The following SGCD variants were observed in gnomAD, a reference collection of about 807,000 sequenced individuals.
The protein encoded by SGCD is sarcoglycan delta, also known as delta-sarcoglycan.
Under a neutral mutation model 36.6 loss-of-function variants are expected in SGCD, and 18 were observed. That is an observed-to-expected ratio of 0.49 (90% CI 0.34 to 0.73). The LOEUF is 0.73. SGCD is among the 30% of genes least tolerant of loss of function. The pLI is 0.01. For synonymous variants in SGCD, 133 were observed against 130.6 expected (o/e 1.02, Z -0.12); for missense variants, 387 against 346.7 (o/e 1.12, Z -0.92).
At chr5:155,826,475 T>C in the SGCD span, among the ~76,000 whole-genome samples, 2 of 152,232 alleles carry the variant, frequency 1.3e-5, no homozygotes, top group South Asian at 4.1e-4. Context: ...TCTCTCACTC[T>C]TCCCACTGTG....
chr5:155,939,742 C>T lies in SGCD; in HGVS notation c.-282+69318C>T, dbSNP rs144779021. Among the ~76,000 whole-genome samples the T allele has an allele frequency of 3.7e-3, 563 of 151,582 alleles. 4 individuals carry two copies. The highest frequency in any genetic ancestry group is 0.013 in the African/African-American group (543 of 41,334). On this transcript the variant is annotated intron_variant, in intron 1 of 9. Transcript: ENST00000517913. ...TAAATTTCTATCATGGGCCTTGACA[C>T]TTGGCTAAAAAGGACTAAAATGCAT...
At chr5:155,862,984 C>A in the SGCD span, among the ~76,000 whole-genome samples, 1 of 152,140 alleles carries the variant, frequency 6.6e-6, no homozygotes. Context: ...CCATTGATAC[C>A]ATTTTAGGAA....
chr5:155,747,765 C>T, the SGCD span, among the ~76,000 whole-genome samples: 1 of 152,144 alleles, frequency 6.6e-6, no homozygotes, highest in Admixed American at 6.5e-5. Context: ...TTTCCTAGCT[C>T]CTGATGCTCC....
At chr5:156,401,652 A>G (rs1772152791) in intron 3 of SGCD, among the ~76,000 whole-genome samples, 1 of 152,296 alleles carries the variant, frequency 6.6e-6, no homozygotes, top group Admixed American at 6.5e-5. Flanking sequence ...GCACTGTGCA[A>G]GGTACTGGGG....
chr5:156,141,623 G>C (rs1267933817), intron 3 of SGCD, among the ~76,000 whole-genome samples: 1 of 152,162 alleles, frequency 6.6e-6, no homozygotes, highest in Non-Finnish European at 1.5e-5. Flanking sequence ...AAGACCCTCA[G>C]AGATACAAGA....
At chr5:156,246,863 C>T (rs537421935) in intron 3 of SGCD, among the ~76,000 whole-genome samples, 49 of 152,198 alleles carry the variant, frequency 3.2e-4, no homozygotes, top group Non-Finnish European at 1.0e-4. Flanking sequence ...ATCACCAGCT[C>T]GCCTCTTAAT....
At chr5:156,159,131 T>C (rs1763029449) in intron 3 of SGCD, among the ~76,000 whole-genome samples, 2 of 151,586 alleles carry the variant, frequency 1.3e-5, no homozygotes, top group Non-Finnish European at 2.9e-5. Context: ...AATGGTAATA[T>C]CTGTCTTGGC....
chr5:156,373,856 T>C (rs1448758068), intron 3 of SGCD, among the ~76,000 whole-genome samples: 4 of 152,172 alleles, frequency 2.6e-5, no homozygotes, highest in African/African-American at 4.8e-5. Flanking sequence ...TATGTTTGGA[T>C]CCACATCACC....
At chr5:156,757,878 C>G (rs1025576514) in intron 8 of SGCD, 174 bp downstream of exon 8, 3 of 1,285,972 alleles carry the variant, frequency 2.3e-6, no homozygotes, top group African/African-American at 3.0e-5. Flanking sequence ...AACCCACAAT[C>G]CATCAAAGTG....
intron 7 of SGCD, among the ~76,000 whole-genome samples, chr5:156,727,705 G>A (rs1489665502): frequency 6.6e-6 from 1 of 152,006 alleles, no homozygotes; most frequent in Non-Finnish European, 1.5e-5. Flanking sequence ...TCATAAATGA[G>A]AATAATAATG....
At chr5:156,087,839 C>A (rs569766730) in intron 1 of SGCD, among the ~76,000 whole-genome samples, 1 of 151,970 alleles carries the variant, frequency 6.6e-6, no homozygotes. Context: ...ATTGTACCAG[C>A]GAAAAATGTA....
At chr5:155,780,161 C>G in the SGCD span, among the ~76,000 whole-genome samples, 4 of 152,124 alleles carry the variant, frequency 2.6e-5, no homozygotes, top group South Asian at 8.3e-4. Context: ...TTATCTGTTT[C>G]TCCATCTGAT....
intron 3 of SGCD, among the ~76,000 whole-genome samples, chr5:156,492,089 GTC>G (rs1755971881): frequency 6.6e-6 from 1 of 152,154 alleles, no homozygotes; most frequent in African/African-American, 2.4e-5. Flanking sequence ...ATGATTGCAT[GTC>G]TTTCAGGAGT....
intron 3 of SGCD, among the ~76,000 whole-genome samples, chr5:156,361,633 T>C: frequency 6.6e-6 from 1 of 152,222 alleles, no homozygotes; most frequent in South Asian, 2.1e-4. Context: ...CATAAGCTCA[T>C]GTTTAAAGGA....
chr5:155,781,725 C>T, the SGCD span, among the ~76,000 whole-genome samples: 1 of 152,124 alleles, frequency 6.6e-6, no homozygotes, highest in Non-Finnish European at 1.5e-5. Flanking sequence ...CCCACCTCGG[C>T]CTCCCAAAGT....
intron 3 of SGCD, among the ~76,000 whole-genome samples, chr5:156,296,461 T>C (rs1766895764): frequency 6.6e-6 from 1 of 152,196 alleles, no homozygotes; most frequent in African/African-American, 2.4e-5. Context: ...ATATAGGCAT[T>C]TATAGCTATA....
intron 1 of SGCD, among the ~76,000 whole-genome samples, chr5:155,918,361 G>A (rs973937852): frequency 2.0e-4 from 30 of 152,256 alleles, no homozygotes; most frequent in African/African-American, 7.2e-4. Context: ...TTAGGAGTTT[G>A]AGACCAGCCT....
intron 1 of SGCD, among the ~76,000 whole-genome samples, chr5:155,938,510 T>C (rs954851392): frequency 5.3e-5 from 8 of 152,234 alleles, no homozygotes; most frequent in South Asian, 2.1e-4. Flanking sequence ...TTTTCTTCTT[T>C]TCCATTGGCC....
intron 3 of SGCD, among the ~76,000 whole-genome samples, chr5:156,464,475 C>T (rs1486599931): frequency 1.3e-5 from 2 of 152,126 alleles, no homozygotes; most frequent in Non-Finnish European, 2.9e-5. Context: ...CTGCTTTGGC[C>T]TCCCAAAGTG....
Sources: allele counts gnomAD v4.1 joint callset (sites outside exome capture counted in the v4.1 genomes callset), GRCh38; gene constraint gnomAD v4.1.1; transcripts MANE v1.5; gene names NCBI Gene and HGNC (gene_info 2026-07-23, HGNC 2026-07-21).